CCDC7: variants seen among roughly 807,000 people sequenced by gnomAD.
CCDC7 encodes coiled-coil domain containing 7.
Under a neutral mutation model 196.9 loss-of-function variants are expected in CCDC7, and 183 were observed. That is an observed-to-expected ratio of 0.93 (90% CI 0.82 to 1.05). The LOEUF (loss-of-function observed/expected upper bound fraction) is 1.05. Ranked by LOEUF, CCDC7 falls within the 50% of genes least tolerant of loss-of-function variation. The pLI is 0.00. For synonymous variants in CCDC7, 525 were observed against 484.6 expected, an observed-to-expected ratio of 1.08 and a Z score of -1.10; for missense variants, 1,540 against 1,482.2, an observed-to-expected ratio of 1.04 and a Z score of -0.64.
At position 32,599,521 on chromosome 10, in the gene CCDC7, G is replaced by C. The variant is rs77250733; in HGVS notation, c.1801+15217G>C. On this transcript the variant is annotated intron_variant, in intron 18 of 41. Transcript: ENST00000639629. ...TTTCCTCCTTTAGCATCTTCATTGTGTTTCATTGATTTTTTTCATAGTGTA... is the reference window on the plus strand; with the variant it reads ...TTTCCTCCTTTAGCATCTTCATTGTCTTTCATTGATTTTTTTCATAGTGTA... Among the ~76,000 whole-genome samples the C allele has an allele frequency of 7.9e-3, 1,205 of 151,742 alleles. 7 individuals carry two copies. The highest frequency in any genetic ancestry group is 0.02 in the Middle Eastern group (6 of 294).
At position 32,543,695 on chromosome 10, in the gene CCDC7, A is replaced by G. The variant is rs576114021; in HGVS notation, c.1079+310A>G. On this transcript the variant is annotated intron_variant, in intron 12 of 41. Coordinates refer to ENST00000639629, the Ensembl canonical transcript of CCDC7. ...CATTGTTTCTTTGATGGTCTAGCTC[A>G]TGCTTTGTAATTTGTTAACTCCACA... Among the ~76,000 whole-genome samples, 21 of 152,206 alleles carry G rather than the reference A, an allele frequency of 1.4e-4. No individual in the cohort carries two copies. The South Asian group carries it at 3.7e-3, about 27-fold the overall frequency.
intron 41 of CCDC7, among the ~76,000 whole-genome samples, chr10:32,867,859 T>C (rs1370793499): frequency 6.6e-6 from 1 of 151,906 alleles, no homozygotes; most frequent in Admixed American, 6.6e-5. Context: ...ATCACTACCA[T>C]CTACCTCCAG....
intron 1 of CCDC7, 29 bp downstream of exon 2, chr10:32,451,950 AG>A: frequency 6.3e-7 from 1 of 1,588,072 alleles, no homozygotes; most frequent in Non-Finnish European, 8.6e-7. Flanking sequence ...TCTGTGTTGC[AG>A]GGCCCCCATG....
chr10:32,790,450 C>A (rs1409355243), intron 29 of CCDC7, among the ~76,000 whole-genome samples: 2 of 152,202 alleles, frequency 1.3e-5, no homozygotes, highest in Non-Finnish European at 2.9e-5. Context: ...GCCATTGGCA[C>A]CACAGCTGGA....
Position 32,634,252 on chromosome 10 carries a change from A to T in CCDC7, c.1802-2A>T, listed in dbSNP as rs2065283835. 1.7e-6 allele frequency: 2 copies of T among 1,169,964 alleles called. No homozygotes were observed. The highest frequency in any genetic ancestry group is 8.5e-5 in the Admixed American group (2 of 23,592). The allele number at this position is 1,169,964 out of a possible 1,614,324, so 72.5% of individuals were successfully genotyped here. On this transcript the variant is annotated splice_acceptor_variant, in intron 18 of 41. Transcript: ENST00000639629. LOFTEE classifies it high-confidence loss of function. ...GTAGACTAAATGAATCTTTTTATGT[A>T]GCTGACAGTGAAGTTCCAGATGAAA...
intron 29 of CCDC7, among the ~76,000 whole-genome samples, chr10:32,803,318 A>G (rs2085177684): frequency 6.6e-6 from 1 of 152,208 alleles, no homozygotes; most frequent in Non-Finnish European, 1.5e-5. Flanking sequence ...TCTAGATGAT[A>G]TCCAGTGCTG....
In CCDC7 at chr10:32,528,669, CAT is replaced by C. The variant is rs1327985394; in HGVS notation, c.993+10173_993+10174del. 1.6e-3 allele frequency among the ~76,000 whole-genome samples: 195 copies of C among 118,322 alleles called. 2 individuals carry two copies. In the East Asian group the frequency reaches 0.044, roughly 27 times the overall value. The allele number at this position is 118,322 out of a possible 152,430, so 77.6% of individuals were successfully genotyped here. On this transcript the variant is annotated intron_variant, in intron 11 of 41. Coordinates refer to ENST00000639629, the Ensembl canonical transcript of CCDC7. Reference sequence around the variant, plus strand: ...GTGTGTGTATATATATATACACACACATATATATATGCATATATATACACACA... The same window carrying C: ...GTGTGTGTATATATATATACACACACATATATATGCATATATATACACACA...
chr10:32,740,193 TC>T (rs2085585982), intron 28 of CCDC7, among the ~76,000 whole-genome samples: 1 of 152,092 alleles, frequency 6.6e-6, no homozygotes, highest in South Asian at 2.1e-4. Context: ...ATATTTCCTT[TC>T]CCCCAGGTCT....
chr10:32,831,693 C>T (rs759060857), intron 32 of CCDC7, among the ~76,000 whole-genome samples: 3 of 152,154 alleles, frequency 2.0e-5, no homozygotes, highest in Admixed American at 6.6e-5. Context: ...TCATCACTGT[C>T]TTCCACCTCC....
At chr10:32,704,248 G>A (rs763797997) in intron 24 of CCDC7, among the ~76,000 whole-genome samples, 1 of 152,132 alleles carries the variant, frequency 6.6e-6, no homozygotes, top group Non-Finnish European at 1.5e-5. Flanking sequence ...TCAGCTGCAG[G>A]TCTGTTGGAG....
chr10:32,872,767 G>C (rs1225773001), intron 41 of CCDC7, among the ~76,000 whole-genome samples: 2 of 151,970 alleles, frequency 1.3e-5, no homozygotes, highest in Non-Finnish European at 2.9e-5. Flanking sequence ...TTGCTTGTCT[G>C]TAAAGGATTT....
intron 18 of CCDC7, among the ~76,000 whole-genome samples, chr10:32,584,752 C>CAAAAAAAAAA (rs749922864): frequency 1.8e-5 from 1 of 56,314 alleles, no homozygotes; most frequent in African/African-American, 9.5e-5. Context: ...CACTTCATCT[C>CAAAAAAAAAA]AAAAAAAAAA....
intron 18 of CCDC7, among the ~76,000 whole-genome samples, chr10:32,590,532 A>G (rs2059687854): frequency 6.6e-6 from 1 of 152,106 alleles, no homozygotes; most frequent in Admixed American, 6.6e-5. Flanking sequence ...TCACAATTAT[A>G]GTGTTATACT....
At chr10:32,662,792 T>C (rs1426151189) in intron 20 of CCDC7, among the ~76,000 whole-genome samples, 1 of 152,160 alleles carries the variant, frequency 6.6e-6, no homozygotes, top group Non-Finnish European at 1.5e-5. Flanking sequence ...TCAAGTTCAA[T>C]TGAGCTAGAT....
chr10:32,670,788 G>A (rs1467016124), intron 21 of CCDC7, among the ~76,000 whole-genome samples: 1 of 151,382 alleles, frequency 6.6e-6, no homozygotes, highest in Non-Finnish European at 1.5e-5. Flanking sequence ...CCCTTCTATT[G>A]TTTTTCTAGT....
Position 32,508,052 on chromosome 10 carries a change from TA to T in CCDC7, c.873-9890del, listed in dbSNP as rs774389351. On this transcript the variant is annotated intron_variant, in intron 9 of 41. Coordinates refer to ENST00000639629, the Ensembl canonical transcript of CCDC7. ...AAGCAATTAGTCAAGAAAAAGAAAT[TA>T]AAGGTATCCAAATCAGAATAGAAGA... 1.2e-4 allele frequency among the ~76,000 whole-genome samples: 19 copies of T among 152,188 alleles called. No homozygotes were observed. The South Asian group carries it at 1.5e-3, about 12-fold the overall frequency.
At position 32,589,869 on chromosome 10, in the gene CCDC7, C is replaced by T. The variant is rs116549507; in HGVS notation, c.1801+5565C>T. On this transcript the variant is annotated intron_variant, in intron 18 of 41. Transcript: ENST00000639629. ...ATTGTGTCTGATATAAGTGTTGCTA[C>T]TCCTGCTGATTTTTTTGGTTTCCAT... is the stretch of plus-strand genomic sequence containing the variant. Among the ~76,000 whole-genome samples the T allele has an allele frequency of 3.6e-3, 554 of 152,140 alleles. 3 individuals carry two copies. The highest frequency in any genetic ancestry group is 0.013 in the African/African-American group (527 of 41,508).
At chr10:32,520,757 T>A (rs565660617) in intron 11 of CCDC7, among the ~76,000 whole-genome samples, 1 of 152,262 alleles carries the variant, frequency 6.6e-6, no homozygotes, top group African/African-American at 2.4e-5. Context: ...ATTTTTTGGT[T>A]ACCTATACTT....
At chr10:32,462,930 GAC>G (rs2036031060) in intron 4 of CCDC7, 85 bp from the exon 6 acceptor site, 3 of 1,563,898 alleles carry the variant, frequency 1.9e-6, no homozygotes, top group Non-Finnish European at 2.6e-6. Context: ...CAGAGACACA[GAC>G]ACACATTTAT....
Sources: gnomAD v4.1 joint callset for allele counts (sites outside exome capture counted in the v4.1 genomes callset) on GRCh38, gnomAD v4.1.1 for gene constraint, MANE v1.5 for transcripts, NCBI Gene and HGNC (gene_info 2026-07-23, HGNC 2026-07-21) for gene names.